IMMP2L: variants seen among roughly 807,000 people sequenced by gnomAD.
IMMP2L encodes the protein inner mitochondrial membrane peptidase subunit 2, also known as mitochondrial inner membrane protease subunit 2.
Under a neutral mutation model 19.3 loss-of-function variants are expected in IMMP2L, and 18 were observed. The observed-to-expected ratio is 0.93, with a 90% CI of 0.64 to 1.38. The LOEUF (loss-of-function observed/expected upper bound fraction) is 1.38. Ranked by LOEUF, IMMP2L falls within the 40% of genes most tolerant of loss-of-function variation. The pLI, the probability that IMMP2L is intolerant of heterozygous loss-of-function variation, is 0.00. For missense variants in IMMP2L, 233 were observed against 218.2 expected (o/e 1.07, Z -0.43); for synonymous variants, 76 against 73.0 (o/e 1.04, Z -0.21).
chr7:111,221,359 C>T (rs541873031), intron 3 of IMMP2L, among the ~76,000 whole-genome samples: 18 of 152,124 alleles, frequency 1.2e-4, no homozygotes, highest in South Asian at 1.0e-3. Flanking sequence ...CATATCTGTA[C>T]GTTATGACTG....
intron 3 of IMMP2L, among the ~76,000 whole-genome samples, chr7:111,307,270 T>C (rs1822985141): frequency 1.3e-5 from 2 of 151,814 alleles, no homozygotes; most frequent in East Asian, 3.9e-4. Flanking sequence ...TAAAGAGTGA[T>C]TAATATTTGG....
chr7:111,494,921 T>C (rs1347873609), intron 2 of IMMP2L, among the ~76,000 whole-genome samples: 2 of 152,126 alleles, frequency 1.3e-5, no homozygotes, highest in African/African-American at 2.4e-5. Flanking sequence ...AGGCAGAAAA[T>C]TCTACCCCTC....
intron 3 of IMMP2L, among the ~76,000 whole-genome samples, chr7:111,087,744 A>T (rs1055631519): frequency 6.6e-6 from 1 of 152,280 alleles, no homozygotes; most frequent in South Asian, 2.1e-4. Flanking sequence ...GGTAAGTAAT[A>T]AGAGCGATAA....
At chr7:110,809,611 T>C (rs1185763262) in intron 5 of IMMP2L, among the ~76,000 whole-genome samples, 1 of 152,030 alleles carries the variant, frequency 6.6e-6, no homozygotes, top group African/African-American at 2.4e-5. Context: ...AATATTACTT[T>C]ATGTAAAATA....
Position 110,870,773 on chromosome 7 carries a change from C to T in IMMP2L, c.408+15820G>A, listed in dbSNP as rs929297637. 3.3e-5 allele frequency among the ~76,000 whole-genome samples: 5 copies of T among 152,184 alleles called. No homozygotes were observed. The highest frequency in any genetic ancestry group is 4.4e-5 in the Non-Finnish European group (3 of 67,998). Reference sequence around the variant, plus strand: ...ACGGAAAGGGAAGAGATGGAGAGGCCATACAATGTGAGGGCCCTAAAGGCC... The same window carrying T: ...ACGGAAAGGGAAGAGATGGAGAGGCTATACAATGTGAGGGCCCTAAAGGCC... On this transcript the variant is annotated intron_variant, in intron 5 of 5. Coordinates refer to ENST00000405709, the MANE Select transcript of IMMP2L (RefSeq NM_032549.4). This position sits in a 1 kb window ranked among gnomAD's most constrained non-coding sequence, Gnocchi z 4.2.
At chr7:111,342,390 G>A (rs112499454) in intron 3 of IMMP2L, among the ~76,000 whole-genome samples, 7 of 152,104 alleles carry the variant, frequency 4.6e-5, no homozygotes, top group South Asian at 4.2e-4. Flanking sequence ...TCAGGAGATC[G>A]AGACCATCCT....
At chr7:111,336,288 A>C (rs1188566597) in intron 3 of IMMP2L, among the ~76,000 whole-genome samples, 1 of 151,616 alleles carries the variant, frequency 6.6e-6, no homozygotes, top group Non-Finnish European at 1.5e-5. Flanking sequence ...TCCTGAGCTC[A>C]AGCAACCCAC....
At chr7:110,902,370 A>G (rs1454456020) in intron 4 of IMMP2L, among the ~76,000 whole-genome samples, 4 of 145,182 alleles carry the variant, frequency 2.8e-5, no homozygotes, top group Non-Finnish European at 4.5e-5. Flanking sequence ...AAGCCTGTAC[A>G]CTTAACTAAT....
intron 3 of IMMP2L, among the ~76,000 whole-genome samples, chr7:111,226,958 G>C (rs1027077910): frequency 2.0e-5 from 3 of 152,096 alleles, no homozygotes; most frequent in Non-Finnish European, 4.4e-5. Context: ...GACAAGACTG[G>C]AAATGCCAGT....
At chr7:110,700,262 C>T (rs1794181278) in intron 5 of IMMP2L, among the ~76,000 whole-genome samples, 1 of 152,126 alleles carries the variant, frequency 6.6e-6, no homozygotes, top group South Asian at 2.1e-4. Flanking sequence ...GATCTGGGAC[C>T]CATTGCCCCA....
At chr7:111,412,912 A>G (rs999932681) in intron 3 of IMMP2L, among the ~76,000 whole-genome samples, 1 of 151,776 alleles carries the variant, frequency 6.6e-6, no homozygotes, top group Non-Finnish European at 1.5e-5. Context: ...GGAAGAAATA[A>G]TAACAAGCAA....
chr7:111,353,082 C>G (rs1828345146), intron 3 of IMMP2L, among the ~76,000 whole-genome samples: 1 of 152,126 alleles, frequency 6.6e-6, no homozygotes, highest in Admixed American at 6.6e-5. Flanking sequence ...TGGGACACAC[C>G]CATGACATTG....
chr7:111,493,547 A>C (rs1219737185), intron 2 of IMMP2L, among the ~76,000 whole-genome samples: 2 of 147,164 alleles, frequency 1.4e-5, no homozygotes, highest in African/African-American at 5.3e-5. Flanking sequence ...CCAAAAATGC[A>C]AAAAAAAATT....
At chr7:110,971,690 T>C (rs1019270361) in intron 3 of IMMP2L, among the ~76,000 whole-genome samples, 11 of 152,152 alleles carry the variant, frequency 7.2e-5, no homozygotes, top group South Asian at 2.1e-4. Flanking sequence ...TTGCTTGCAA[T>C]AGGACACTTA....
At chr7:111,268,569 C>CTCTTTTT (rs1818083564) in intron 3 of IMMP2L, among the ~76,000 whole-genome samples, 15 of 44,596 alleles carry the variant, frequency 3.4e-4, no homozygotes, top group African/African-American at 1.5e-3. Context: ...TCACATTTCT[C>CTCTTTTT]TTTTTTTTTT....
intron 3 of IMMP2L, among the ~76,000 whole-genome samples, chr7:110,981,702 C>T (rs1284538683): frequency 6.6e-6 from 1 of 151,984 alleles, no homozygotes; most frequent in Non-Finnish European, 1.5e-5. Context: ...GGAAATATAT[C>T]TACCTTTTCA....
chr7:111,028,791 T>C (rs1213841337), intron 3 of IMMP2L, among the ~76,000 whole-genome samples: 1 of 152,184 alleles, frequency 6.6e-6, no homozygotes, highest in Non-Finnish European at 1.5e-5. Context: ...AAAGGTTATG[T>C]ATTTTAAAAG....
intron 3 of IMMP2L, among the ~76,000 whole-genome samples, chr7:111,355,255 T>C (rs1251779038): frequency 2.0e-5 from 3 of 151,832 alleles, no homozygotes; most frequent in African/African-American, 7.2e-5. Flanking sequence ...TCAAAATGAA[T>C]AAATTTTTAA....
intron 3 of IMMP2L, among the ~76,000 whole-genome samples, chr7:111,103,327 T>C (rs1236785282): frequency 2.0e-5 from 3 of 151,596 alleles, no homozygotes; most frequent in African/African-American, 4.8e-5. Flanking sequence ...CAGACCAATA[T>C]TGGATTTTTT....
Sources: gnomAD v4.1 joint callset for allele counts (sites outside exome capture counted in the v4.1 genomes callset) on GRCh38, gnomAD v4.1.1 for gene constraint, Gnocchi (gnomAD v3.1) non-coding constraint, MANE v1.5 for transcripts, NCBI Gene and HGNC (gene_info 2026-07-23, HGNC 2026-07-21) for gene names.